Variants in CNOT1 observed in about 807,000 individuals in gnomAD.
CNOT1 encodes the protein CCR4-NOT transcription complex subunit 1.
In CNOT1, 15 loss-of-function variants were observed where a neutral mutation model predicts 273.8. The ratio of observed to expected loss-of-function variants is 0.05; its 90% CI spans 0.04 to 0.08. CNOT1 has a LOEUF of 0.08. Ranked by LOEUF, CNOT1 falls within the 10% of genes least tolerant of loss-of-function variation. The pLI is 1.00. For missense variants in CNOT1, 1,644 were observed against 2,912.2 expected, an observed-to-expected ratio of 0.56 and a Z score of 10.02; for synonymous variants, 1,022 against 1,005.5, an observed-to-expected ratio of 1.02 and a Z score of -0.31.
In CNOT1 at chr16:58,551,713, A is replaced by G; in HGVS notation, c.3077T>C (p.Val1026Ala). ...ACCAGCAAGAGGAGCTTTTGCTGGA[A>G]CCTGGGCCTGAGCCTGGGCCTGAGC... ...ALAQAQAQAQ[V>A]PAKAPLAGQV... The change falls in exon 23 of 49, where the codon GTT becomes GCT. Residue 1026 changes from valine to alanine, a missense_variant. By Grantham distance (64) the Val-to-Ala change is moderately conservative. Transcript: ENST00000317147. 1.2e-6 allele frequency: 2 copies of G among 1,614,140 alleles called. No individual in the cohort carries two copies. Among genetic ancestry groups the G allele is most frequent in the South Asian group, 1.1e-5 (1 of 91,080 alleles).
intron 10 of CNOT1, among the ~76,000 whole-genome samples, chr16:58,582,591 T>A (rs567259521): frequency 1.3e-5 from 2 of 152,324 alleles, no homozygotes; most frequent in South Asian, 4.1e-4. Context: ...AAGAGTAACT[T>A]AGAAGTAGCA....
intron 1 of CNOT1, among the ~76,000 whole-genome samples, chr16:58,626,528 G>C (rs541169414): frequency 6.6e-6 from 1 of 151,374 alleles, no homozygotes; most frequent in African/African-American, 2.4e-5. Context: ...TTGGGAGGCC[G>C]ACGCGGGTGG....
intron 1 of CNOT1, among the ~76,000 whole-genome samples, chr16:58,608,015 A>T (rs1300487120): frequency 6.6e-6 from 1 of 151,790 alleles, no homozygotes; most frequent in Non-Finnish European, 1.5e-5. Context: ...CTACTAAAAA[A>T]TACAGAAAAA....
intron 1 of CNOT1, among the ~76,000 whole-genome samples, chr16:58,599,871 C>T (rs538486944): frequency 1.3e-5 from 2 of 152,186 alleles, no homozygotes; most frequent in East Asian, 3.9e-4. Context: ...CGAGACCAGC[C>T]CGGCCAACAT....
chr16:58,578,935 T>C lies in CNOT1; in HGVS notation c.1348A>G (p.Ser450Gly). ...DDNREIATWK[S>G]LDLIESLLRL... is the part of the protein sequence containing the mutation. ...AGCAGAGATTCAATCAAATCCAAGC[T>C]CTTCCTAACGAGAAAGGAAGAAACA... Residue 450 changes from serine to glycine, a missense_variant, in exon 13 of 49, where the codon AGC becomes GGC. Physicochemically the swap from Ser to Gly is moderately conservative, Grantham distance 56. Transcript: ENST00000317147. 1 of 1,613,198 alleles carries C rather than the reference T, an allele frequency of 6.2e-7. No homozygotes were observed. Among genetic ancestry groups the C allele is most frequent in the Non-Finnish European group, 8.5e-7 (1 of 1,179,336 alleles).
At chr16:58,583,017 A>G in intron 9 of CNOT1, 39 bp downstream of exon 9, 1 of 1,613,242 alleles carries the variant, frequency 6.2e-7, no homozygotes, top group Non-Finnish European at 8.5e-7. Flanking sequence ...AGAGGACAGG[A>G]CATTAACTCA....
At chr16:58,607,704 GCAA>G (rs1208141278) in intron 1 of CNOT1, among the ~76,000 whole-genome samples, 1 of 76,266 alleles carries the variant, frequency 1.3e-5, no homozygotes, top group East Asian at 2.8e-4. Context: ...TCCAGCCTGG[GCAA>G]CAACAGCAAA....
intron 20 of CNOT1, 53 bp from the exon 21 acceptor site, chr16:58,555,590 G>C: frequency 6.4e-7 from 1 of 1,573,238 alleles, no homozygotes; most frequent in Non-Finnish European, 8.6e-7. Flanking sequence ...ATTACTAAGA[G>C]CCTTTCTCAA....
Position 58,587,366 on chromosome 16 carries a change from G to A in CNOT1, c.357C>T (p.Leu119=), listed in dbSNP as rs754358730. Reference sequence around the variant, plus strand: ...TCACCTCTTGTACTTTGCTTAATTTGAGCACTTTACTCAGCTGGGCAAATA... The same window carrying A: ...TCACCTCTTGTACTTTGCTTAATTTAAGCACTTTACTCAGCTGGGCAAATA... ...PHLFAQLSKV[L]KLSKVQEVIF... is the part of the protein sequence containing the mutation. The change falls in exon 5 of 49, where the codon CTC becomes CTT. Residue 119 remains leucine (L), a synonymous_variant. Transcript: ENST00000317147. 3.7e-6 allele frequency: 6 copies of A among 1,613,896 alleles called. No homozygotes were observed. The highest frequency in any genetic ancestry group is 1.3e-5 in the African/African-American group (1 of 75,004).
intron 8 of CNOT1, among the ~76,000 whole-genome samples, chr16:58,584,877 AAC>A (rs1360047794): frequency 6.6e-6 from 1 of 152,184 alleles, no homozygotes; most frequent in Admixed American, 6.5e-5. Flanking sequence ...AACAGTGTGA[AAC>A]AATATCCTTT....
At chr16:58,553,756 G>A (rs988923122) in intron 22 of CNOT1, 26 bp downstream of exon 22, 1 of 1,602,304 alleles carries the variant, frequency 6.2e-7, no homozygotes, top group African/African-American at 1.4e-5. Flanking sequence ...ATAGCTATTT[G>A]GGTTTTAGTT....
chr16:58,529,746 C>A (rs1297394550), intron 43 of CNOT1, among the ~76,000 whole-genome samples: 1 of 143,186 alleles, frequency 7.0e-6, no homozygotes, highest in Non-Finnish European at 1.5e-5. Flanking sequence ...GAGACTGAGG[C>A]ACAAGAATCA....
At position 58,571,163 on chromosome 16, in the gene CNOT1, A is replaced by G. The variant is rs75187163; in HGVS notation, c.1979+3446T>C. 4.3e-4 allele frequency among the ~76,000 whole-genome samples: 66 copies of G among 152,348 alleles called. 1 individual carries two copies. In the East Asian group the frequency reaches 0.011, roughly 25 times the overall value. ...CCAAGCAAACCACCATAAGAGAACTATAATGGTTATACTAGTATCAAACAA... is the reference window on the plus strand; with the variant it reads ...CCAAGCAAACCACCATAAGAGAACTGTAATGGTTATACTAGTATCAAACAA... On this transcript the variant is annotated intron_variant, in intron 16 of 48. Transcript: ENST00000317147.
Position 58,555,765 on chromosome 16 carries a change from G to T in CNOT1, c.2604+19C>A. 2 of 1,613,050 alleles carry T rather than the reference G, an allele frequency of 1.2e-6. No homozygotes were observed. Among genetic ancestry groups the T allele is most frequent in the South Asian group, 1.1e-5 (1 of 90,856 alleles). On this transcript the variant is annotated intron_variant, in intron 20 of 48. Transcript: ENST00000317147. The stretch of plus-strand genomic sequence containing the variant: ...GACTGGCCTAAACAATAAATAAGTA[G>T]ATCATCCTAGACACTCACCTCATCA...
intron 1 of CNOT1, among the ~76,000 whole-genome samples, chr16:58,626,019 T>C (rs1320722587): frequency 2.0e-5 from 3 of 152,230 alleles, no homozygotes; most frequent in Non-Finnish European, 4.4e-5. Context: ...ATTTTGAAAC[T>C]TCACAGCAGG....
intron 1 of CNOT1, among the ~76,000 whole-genome samples, chr16:58,603,088 A>C (rs2042532521): frequency 6.6e-6 from 1 of 152,126 alleles, no homozygotes; most frequent in South Asian, 2.1e-4. Context: ...GAATCCAACC[A>C]TTTCTCACAA....
chr16:58,559,995 T>C lies in CNOT1; in HGVS notation c.2130+217A>G, dbSNP rs1597458979. The C allele has an allele frequency of 4.6e-6, 6 of 1,311,342 alleles. No homozygotes were observed. In the East Asian group the frequency reaches 1.0e-4, roughly 22 times the overall value. The allele number at this position is 1,311,342 out of a possible 1,614,324, so 81.2% of individuals were successfully genotyped here. A position where few individuals can be genotyped will look rare whatever the true frequency, so the allele number is the denominator to read the frequency against. ...AACCCTCTTCATTTACCTAAATAAA[T>C]TGTCTGTATATTTCCTCTTAGAGTC... On this transcript the variant is annotated intron_variant, in intron 17 of 48. Coordinates refer to ENST00000317147, the MANE Select transcript of CNOT1 (RefSeq NM_016284.5).
rs11289232 is a variant in CNOT1, at chr16:58,530,782, CAA to C, written c.6178-437_6178-436del. ...CTGGACAACAAGAGCAAAACTCCAT[CAA>C]AAAAAAAAAAAGAAAAGAAAAGAAA... On this transcript the variant is annotated intron_variant, in intron 42 of 48. Coordinates refer to ENST00000317147, the MANE Select transcript of CNOT1 (RefSeq NM_016284.5). 637 of 127,482 alleles carry C rather than the reference CAA, an allele frequency of 5.0e-3. 5 individuals are homozygous for C. The highest frequency in any genetic ancestry group is 0.024 in the East Asian group (112 of 4,738). The allele number at this position is 127,482 out of a possible 1,614,324, so 7.9% of individuals were successfully genotyped here.
At chr16:58,558,236 C>G (rs546711352) in intron 18 of CNOT1, among the ~76,000 whole-genome samples, 39 of 152,254 alleles carry the variant, frequency 2.6e-4, no homozygotes, top group Non-Finnish European at 5.1e-4. Context: ...AATAAAAAAT[C>G]CTTACTAAAT....
Sources: allele counts gnomAD v4.1 joint callset (sites outside exome capture counted in the v4.1 genomes callset), GRCh38; gene constraint gnomAD v4.1.1; transcripts MANE v1.5; gene names NCBI Gene and HGNC (gene_info 2026-07-23, HGNC 2026-07-21).